The following TAFA5 variants were observed in gnomAD, a reference collection of about 807,000 sequenced individuals.
TAFA5 encodes TAFA chemokine like family member 5, also known as chemokine-like protein TAFA-5.
Under a neutral mutation model 15.3 loss-of-function variants are expected in TAFA5, and 6 were observed. That is an observed-to-expected ratio of 0.39 (90% CI 0.21 to 0.77). TAFA5 has a LOEUF of 0.77. Ranked by LOEUF, TAFA5 falls within the 30% of genes least tolerant of loss-of-function variation. The pLI, the probability that TAFA5 is intolerant of heterozygous loss-of-function variation, is 0.41. For missense variants in TAFA5, 161 were observed against 193.1 expected (o/e 0.83, Z 0.98); for synonymous variants, 103 against 80.7 (o/e 1.28, Z -1.48).
chr22:48,556,038 AGG>A (rs1923026284), intron 1 of TAFA5, among the ~76,000 whole-genome samples: 1 of 152,202 alleles, frequency 6.6e-6, no homozygotes, highest in Non-Finnish European at 1.5e-5. Context: ...TTCATGGACC[AGG>A]CTAAGACCCT....
At chr22:48,496,790 C>T (rs890416975) in intron 1 of TAFA5, among the ~76,000 whole-genome samples, 14 of 152,142 alleles carry the variant, frequency 9.2e-5, no homozygotes, top group African/African-American at 2.4e-5. Flanking sequence ...GGGTTAACGG[C>T]GTAGGCTGTG....
At chr22:48,515,389 G>T (rs756879998) in intron 1 of TAFA5, among the ~76,000 whole-genome samples, 3 of 152,160 alleles carry the variant, frequency 2.0e-5, no homozygotes, top group Non-Finnish European at 4.4e-5. Context: ...CTGTCTGTCC[G>T]CTGTCCTGCC....
At chr22:48,553,393 C>T (rs755978507) in intron 1 of TAFA5, among the ~76,000 whole-genome samples, 24 of 152,172 alleles carry the variant, frequency 1.6e-4, no homozygotes, top group Non-Finnish European at 3.2e-4. Flanking sequence ...GACAGATTGC[C>T]CGGAGGCGCC....
chr22:48,716,181 A>T lies in TAFA5; in HGVS notation c.390+8337A>T, dbSNP rs530904701. On this transcript the variant is annotated intron_variant, in intron 3 of 3. Coordinates refer to ENST00000402357, the MANE Select transcript of TAFA5 (RefSeq NM_001082967.3). ...GTATAGTTTGAAGTCAGGTAACATG[A>T]TGCCTCCAGCTTTGTTCTTTCTGCC... is the stretch of plus-strand genomic sequence containing the variant. 3.9e-5 allele frequency among the ~76,000 whole-genome samples: 6 copies of T among 152,286 alleles called. No individual in the cohort carries two copies. The South Asian group carries it at 1.0e-3, about 26-fold the overall frequency.
intron 2 of TAFA5, among the ~76,000 whole-genome samples, chr22:48,702,308 C>T (rs1048887529): frequency 6.6e-6 from 1 of 152,114 alleles, no homozygotes; most frequent in Non-Finnish European, 1.5e-5. Flanking sequence ...AGAAAGAGCA[C>T]TGCTGGCCCA....
At chr22:48,669,835 C>A (rs995509288) in intron 2 of TAFA5, among the ~76,000 whole-genome samples, 1 of 152,250 alleles carries the variant, frequency 6.6e-6, no homozygotes, top group Non-Finnish European at 1.5e-5. Context: ...CTTTCTGGCC[C>A]TCGCATATGA....
chr22:48,720,671 G>A (rs1929542067), intron 3 of TAFA5, among the ~76,000 whole-genome samples: 1 of 152,134 alleles, frequency 6.6e-6, no homozygotes, highest in South Asian at 2.1e-4. Context: ...TTGCTGACAG[G>A]GCAGCTTCCC....
chr22:48,509,797 A>G (rs907412620), intron 1 of TAFA5, among the ~76,000 whole-genome samples: 13 of 152,088 alleles, frequency 8.5e-5, no homozygotes, highest in African/African-American at 3.1e-4. Context: ...TAAAAGTACA[A>G]AAAATTAGCC....
chr22:48,643,529 TACAG>T (rs1211872797), intron 1 of TAFA5, among the ~76,000 whole-genome samples: 5 of 152,154 alleles, frequency 3.3e-5, no homozygotes, highest in African/African-American at 1.2e-4. Context: ...CTGTGCCCCT[TACAG>T]AGGAGGAGTC....
intron 1 of TAFA5, among the ~76,000 whole-genome samples, chr22:48,588,765 G>A (rs1053465033): frequency 2.6e-5 from 4 of 152,128 alleles, no homozygotes; most frequent in Non-Finnish European, 5.9e-5. Context: ...CAGTGCCTTC[G>A]GGGATGCTCC....
At chr22:48,635,039 G>A (rs1032063279) in intron 1 of TAFA5, among the ~76,000 whole-genome samples, 22 of 152,210 alleles carry the variant, frequency 1.4e-4, no homozygotes, top group Non-Finnish European at 2.4e-4. Flanking sequence ...GGAGGTGCCC[G>A]GGCAGCAGCC....
chr22:48,729,713 A>G (rs1042916728), intron 3 of TAFA5, among the ~76,000 whole-genome samples: 5 of 147,064 alleles, frequency 3.4e-5, no homozygotes, highest in African/African-American at 1.2e-4. Flanking sequence ...TAAATATATA[A>G]ATATAAATTT....
At chr22:48,581,217 C>T (rs1924026325) in intron 1 of TAFA5, among the ~76,000 whole-genome samples, 1 of 152,298 alleles carries the variant, frequency 6.6e-6, no homozygotes, top group South Asian at 2.1e-4. Flanking sequence ...GAGGTGACTT[C>T]CAGACACAAG....
chr22:48,585,474 A>G (rs2147151858), intron 1 of TAFA5, among the ~76,000 whole-genome samples: 1 of 151,264 alleles, frequency 6.6e-6, no homozygotes. Context: ...TACACCACAC[A>G]TACACCACAT....
At chr22:48,735,859 TA>T (rs1929997325) in intron 3 of TAFA5, among the ~76,000 whole-genome samples, 1 of 133,866 alleles carries the variant, frequency 7.5e-6, no homozygotes, top group Non-Finnish European at 1.6e-5. Context: ...ATCGCACTCC[TA>T]GAGTCCATCC....
intron 2 of TAFA5, among the ~76,000 whole-genome samples, chr22:48,706,422 G>A (rs1035953507): frequency 2.6e-5 from 4 of 152,344 alleles, no homozygotes; most frequent in Admixed American, 6.5e-5. Flanking sequence ...CATGAAGCGA[G>A]CCACATGCAG....
chr22:48,707,412 G>A (rs377730940), intron 2 of TAFA5, among the ~76,000 whole-genome samples: 3 of 152,186 alleles, frequency 2.0e-5, no homozygotes, highest in Non-Finnish European at 4.4e-5. Flanking sequence ...CAGTGAGGCA[G>A]CCACACTGCA....
At chr22:48,549,862 C>T (rs1922799889) in intron 1 of TAFA5, among the ~76,000 whole-genome samples, 1 of 152,182 alleles carries the variant, frequency 6.6e-6, no homozygotes. Flanking sequence ...AGGCAAAGTC[C>T]CCCGCTAGCA....
At chr22:48,629,134 C>A (rs1017253540) in intron 1 of TAFA5, among the ~76,000 whole-genome samples, 1 of 152,114 alleles carries the variant, frequency 6.6e-6, no homozygotes, top group Non-Finnish European at 1.5e-5. Context: ...CCAGCGGCTC[C>A]CCTCGAGGTG....
Sources: gnomAD v4.1 joint callset for allele counts (sites outside exome capture counted in the v4.1 genomes callset) on GRCh38, gnomAD v4.1.1 for gene constraint, MANE v1.5 for transcripts, NCBI Gene and HGNC (gene_info 2026-07-23, HGNC 2026-07-21) for gene names.